Variants in FGF10 observed in about 807,000 individuals in gnomAD.
The protein encoded by FGF10 is fibroblast growth factor 10.
FGF10 carries 2 observed loss-of-function variants against 19.8 expected under a neutral mutation model. The observed-to-expected ratio is 0.10, with a 90% CI of 0.04 to 0.32. The LOEUF is 0.32. FGF10 is among the 10% of genes least tolerant of loss of function. The pLI is 1.00. For synonymous variants in FGF10, 112 were observed against 94.0 expected (o/e 1.19, Z -1.10); for missense variants, 191 against 246.3 (o/e 0.78, Z 1.50).
intron 1 of FGF10, among the ~76,000 whole-genome samples, chr5:44,379,927 C>T (rs1004066721): frequency 2.0e-5 from 3 of 152,076 alleles, no homozygotes; most frequent in East Asian, 1.9e-4. Context: ...TGATCTTTAC[C>T]GTCTCTCTTG....
intron 1 of FGF10, among the ~76,000 whole-genome samples, chr5:44,347,240 G>A (rs2111808280): frequency 6.6e-6 from 1 of 151,740 alleles, no homozygotes; most frequent in Non-Finnish European, 1.5e-5. Flanking sequence ...TGCTTCCTGG[G>A]ATGACTCCTG....
intron 1 of FGF10, among the ~76,000 whole-genome samples, chr5:44,352,358 GGA>G (rs1348101939): frequency 6.6e-6 from 1 of 151,462 alleles, no homozygotes; most frequent in East Asian, 2.0e-4. Context: ...CTCTAAAAGG[GGA>G]CACCAATACA....
chr5:44,388,983 G>T lies in FGF10; in HGVS notation c.-301C>A. ...GGCGTTGGTGGTGTTGGTCACCAGCGCTCTTCGCTCCCCCAGGAGTTACTT... is the reference window on the plus strand; with the variant it reads ...GGCGTTGGTGGTGTTGGTCACCAGCTCTCTTCGCTCCCCCAGGAGTTACTT... On this transcript the variant is annotated 5_prime_UTR_variant, in exon 1 of 3. Transcript: ENST00000264664. 1.9e-6 allele frequency: 1 copy of T among 526,928 alleles called. No individual in the cohort carries two copies. Among genetic ancestry groups the T allele is most frequent in the Admixed American group, 3.2e-5 (1 of 31,664 alleles). The allele number at this position is 526,928 out of a possible 1,614,324, so 32.6% of individuals were successfully genotyped here.
intron 1 of FGF10, among the ~76,000 whole-genome samples, chr5:44,386,994 A>T (rs1243488975): frequency 6.6e-5 from 10 of 152,250 alleles, no homozygotes; most frequent in Non-Finnish European, 1.5e-4. Flanking sequence ...TTAACTGACA[A>T]GACAATCTAT....
intron 1 of FGF10, among the ~76,000 whole-genome samples, chr5:44,355,652 C>T (rs1337634563): frequency 1.3e-5 from 2 of 151,094 alleles, no homozygotes; most frequent in Non-Finnish European, 3.0e-5. Flanking sequence ...ATATAATGGT[C>T]CATATTTTTC....
At chr5:44,337,134 A>AT (rs59140318) in intron 1 of FGF10, among the ~76,000 whole-genome samples, 13,154 of 151,888 alleles carry the variant, frequency 0.087, 643 homozygotes, top group Non-Finnish European at 0.1. Flanking sequence ...ATGTTATTAC[A>AT]TTTTTTTTCT....
chr5:44,313,842 C>G (rs1740269059), intron 1 of FGF10, among the ~76,000 whole-genome samples: 1 of 151,914 alleles, frequency 6.6e-6, no homozygotes, highest in Non-Finnish European at 1.5e-5. Flanking sequence ...TTAGGAAGAC[C>G]TAGGAGGAGA....
At chr5:44,332,266 G>A (rs868157310) in intron 1 of FGF10, among the ~76,000 whole-genome samples, 1 of 152,080 alleles carries the variant, frequency 6.6e-6, no homozygotes, top group African/African-American at 2.4e-5. Flanking sequence ...TGTAAAATAA[G>A]TTGGTTGCCC....
intron 1 of FGF10, among the ~76,000 whole-genome samples, chr5:44,387,435 A>C (rs2973646): frequency 0.76 from 115,180 of 152,110 alleles, 43,823 homozygotes; most frequent in Middle Eastern, 0.82. Context: ...GTGGGATAAA[A>C]TATAGCCATG....
intron 1 of FGF10, among the ~76,000 whole-genome samples, chr5:44,339,140 G>T (rs1049842244): frequency 6.6e-6 from 1 of 152,096 alleles, no homozygotes; most frequent in Non-Finnish European, 1.5e-5. Context: ...TATCTAATCT[G>T]TCTTTAAATA....
chr5:44,326,913 A>T (rs1740627871), intron 1 of FGF10, among the ~76,000 whole-genome samples: 1 of 152,308 alleles, frequency 6.6e-6, no homozygotes, highest in Admixed American at 6.5e-5. Context: ...TTTCTGTTCA[A>T]TTCTCAAGTT....
chr5:44,353,374 A>G (rs562326207), intron 1 of FGF10, among the ~76,000 whole-genome samples: 3 of 151,602 alleles, frequency 2.0e-5, no homozygotes, highest in East Asian at 3.9e-4. Context: ...TTACATTTCA[A>G]TAAGCTTGGA....
Position 44,304,474 on chromosome 5 carries a change from T to G in FGF10, c.*521A>C, listed in dbSNP as rs940250600. ...ACATGTTTATATTTTTAAATTCTAT[T>G]CAATTATTCCATGAGACCACATCCA... On this transcript the variant is annotated 3_prime_UTR_variant, in exon 3 of 3. Transcript: ENST00000264664. The G allele has an allele frequency of 1.3e-5, 2 of 158,836 alleles. No homozygotes were observed. The highest frequency in any genetic ancestry group is 4.8e-5 in the African/African-American group (2 of 41,482). The allele number at this position is 158,836 out of a possible 1,614,324, so 9.8% of individuals were successfully genotyped here. A position where few individuals can be genotyped will look rare whatever the true frequency, so the allele number is the denominator to read the frequency against.
chr5:44,384,953 G>T (rs1742065829), intron 1 of FGF10, among the ~76,000 whole-genome samples: 1 of 152,068 alleles, frequency 6.6e-6, no homozygotes. Flanking sequence ...GAAGCTCACA[G>T]CTGTTTTACT....
chr5:44,320,691 G>C (rs1351378403), intron 1 of FGF10, among the ~76,000 whole-genome samples: 1 of 150,908 alleles, frequency 6.6e-6, no homozygotes, highest in Non-Finnish European at 1.5e-5. Flanking sequence ...CAAAAGTCAA[G>C]TTCAAGTCTT....
At chr5:44,370,678 C>A (rs571190123) in intron 1 of FGF10, among the ~76,000 whole-genome samples, 1 of 152,218 alleles carries the variant, frequency 6.6e-6, no homozygotes, top group African/African-American at 2.4e-5. Flanking sequence ...TAAGACTTGA[C>A]AACAAAACAT....
At chr5:44,314,275 G>A (rs1006769041) in intron 1 of FGF10, among the ~76,000 whole-genome samples, 1 of 152,090 alleles carries the variant, frequency 6.6e-6, no homozygotes, top group Admixed American at 6.6e-5. Flanking sequence ...ACTCAGTTTA[G>A]TAAACATCTT....
chr5:44,336,919 G>C (rs575192053), intron 1 of FGF10, among the ~76,000 whole-genome samples: 1 of 152,046 alleles, frequency 6.6e-6, no homozygotes, highest in Non-Finnish European at 1.5e-5. Flanking sequence ...AACCAATTTG[G>C]GGAAGTGGCA....
intron 1 of FGF10, among the ~76,000 whole-genome samples, chr5:44,328,254 TTGAAAC>T (rs1237375549): frequency 6.6e-6 from 1 of 152,142 alleles, no homozygotes; most frequent in Non-Finnish European, 1.5e-5. Context: ...ATTTTTGCCT[TTGAAAC>T]TGAAGCAAAA....
Sources: gnomAD v4.1 joint callset for allele counts (sites outside exome capture counted in the v4.1 genomes callset) on GRCh38, gnomAD v4.1.1 for gene constraint, MANE v1.5 for transcripts, NCBI Gene and HGNC (gene_info 2026-07-23, HGNC 2026-07-21) for gene names.